VBP1: variants seen among roughly 807,000 people sequenced by gnomAD.
VBP1 encodes prefoldin subunit 3.
A neutral mutation model predicts 15.5 loss-of-function variants in VBP1; 4 were observed. The observed-to-expected ratio is 0.26, with a 90% CI of 0.13 to 0.59. The LOEUF is 0.59. Among genes scored for constraint, VBP1 ranks in the 20% least tolerant of loss-of-function variants. The probability of loss-of-function intolerance (pLI) is 0.90; values close to 1 mark genes in which losing one functional copy is unlikely to be tolerated. For missense variants in VBP1, 108 were observed against 139.6 expected (o/e 0.77, Z 1.14); for synonymous variants, 61 against 52.1 (o/e 1.17, Z -0.74).
At chrX:155,200,220 G>T (rs2074596936) in intron 1 of VBP1, among the ~76,000 whole-genome samples, 1 of 106,917 alleles carries the variant, frequency 9.4e-6, no homozygotes, top group African/African-American at 3.4e-5. Context: ...AGTTAACAAG[G>T]ATACTCAGGA....
intron 1 of VBP1, among the ~76,000 whole-genome samples, chrX:155,207,229 G>C (rs1237260363): frequency 8.9e-6 from 1 of 111,775 alleles, no homozygotes; most frequent in Non-Finnish European, 1.9e-5. Flanking sequence ...CCCAGGGAGA[G>C]AAGCTGACAG....
intron 2 of VBP1, among the ~76,000 whole-genome samples, chrX:155,225,831 T>C (rs1557310207): frequency 8.9e-6 from 1 of 111,856 alleles, no homozygotes; most frequent in Non-Finnish European, 1.9e-5. Context: ...GATTGAATTG[T>C]AGTGAAAAAA....
chrX:155,218,301 C>G (rs1557309268), intron 1 of VBP1, among the ~76,000 whole-genome samples: 5 of 111,853 alleles, frequency 4.5e-5, no homozygotes. Flanking sequence ...AATCCTGGCT[C>G]TGCTTCCCAG....
At chrX:155,210,239 A>G (rs2074639866) in intron 2 of VBP1, among the ~76,000 whole-genome samples, 1 of 111,089 alleles carries the variant, frequency 9.0e-6, no homozygotes, top group Admixed American at 9.6e-5. Context: ...ACTTGAAGCC[A>G]GGAGTTTGGA....
At chrX:155,216,894 C>T (rs949133070) in intron 1 of VBP1, among the ~76,000 whole-genome samples, 10 of 112,294 alleles carry the variant, frequency 8.9e-5, no homozygotes, top group African/African-American at 3.2e-4. Context: ...CGTCCCCCTG[C>T]TGGTTGGAAA....
intron 1 of VBP1, among the ~76,000 whole-genome samples, chrX:155,206,755 G>T (rs782476186): frequency 7.2e-5 from 8 of 111,049 alleles, no homozygotes; most frequent in Non-Finnish European, 1.5e-4. Flanking sequence ...TGGCCAGTGA[G>T]AGAGGAGGAA....
intron 1 of VBP1, among the ~76,000 whole-genome samples, chrX:155,200,714 G>A (rs1371181235): frequency 9.5e-6 from 1 of 105,794 alleles, no homozygotes; most frequent in Admixed American, 1.0e-4. Context: ...AAAAGCAAGA[G>A]CAAACACATT....
At chrX:155,203,140 G>A (rs2074612258) in intron 1 of VBP1, among the ~76,000 whole-genome samples, 1 of 111,467 alleles carries the variant, frequency 9.0e-6, no homozygotes, top group South Asian at 3.8e-4. Flanking sequence ...GGAGAAATAG[G>A]AACATTTTTA....
chrX:155,229,598 T>C (rs1365037743), intron 4 of VBP1, among the ~76,000 whole-genome samples: 2 of 112,460 alleles, frequency 1.8e-5, no homozygotes, highest in African/African-American at 6.5e-5. Flanking sequence ...CTTTGTGTTT[T>C]CCCTGGTAGT....
intron 5 of VBP1, among the ~76,000 whole-genome samples, chrX:155,237,389 C>G (rs1422628920): frequency 8.9e-6 from 1 of 112,080 alleles, no homozygotes; most frequent in East Asian, 2.8e-4. Context: ...GCACTCAGAA[C>G]CTTTTTAGGT....
chrX:155,222,614 T>A (rs996182892), intron 2 of VBP1, among the ~76,000 whole-genome samples: 3 of 111,959 alleles, frequency 2.7e-5, no homozygotes, highest in Non-Finnish European at 3.8e-5. Context: ...AAAAAAGTTA[T>A]ATTGCTAACT....
At chrX:155,207,399 A>G (rs782371714) in intron 1 of VBP1, among the ~76,000 whole-genome samples, 1 of 112,114 alleles carries the variant, frequency 8.9e-6, no homozygotes, top group Non-Finnish European at 1.9e-5. Context: ...ACATGGGGCT[A>G]TTCCAGGGTG....
chrX:155,208,779 C>T, intron 1 of VBP1: 1 of 479,399 alleles, frequency 2.1e-6, no homozygotes, highest in Non-Finnish European at 3.4e-6. Context: ...AATATTTACT[C>T]TAGGGGGCTA....
At chrX:155,205,386 C>T (rs1396946928) in intron 1 of VBP1, among the ~76,000 whole-genome samples, 2 of 111,826 alleles carry the variant, frequency 1.8e-5, no homozygotes, top group African/African-American at 6.5e-5. Flanking sequence ...CTACTTGCAG[C>T]CTTCCCAATC....
chrX:155,215,443 T>C (rs782278147), upstream of VBP1, among the ~76,000 whole-genome samples: 1 of 111,930 alleles, frequency 8.9e-6, no homozygotes, highest in Non-Finnish European at 1.9e-5. Context: ...CACTACTATG[T>C]AGTTGTAGGA....
chrX:155,235,207 T>C (rs1341335226), intron 4 of VBP1, among the ~76,000 whole-genome samples: 1 of 110,163 alleles, frequency 9.1e-6, no homozygotes, highest in Non-Finnish European at 1.9e-5. Flanking sequence ...AGAAATTTTT[T>C]TGGTCCCCTG....
chrX:155,205,840 G>A (rs1380108944), intron 1 of VBP1, among the ~76,000 whole-genome samples: 1 of 111,610 alleles, frequency 9.0e-6, no homozygotes, highest in East Asian at 2.8e-4. Flanking sequence ...TTGTATTAAA[G>A]GACATTGAGG....
chrX:155,200,375 C>A (rs1234152704), intron 1 of VBP1, among the ~76,000 whole-genome samples: 1 of 107,613 alleles, frequency 9.3e-6, no homozygotes, highest in Non-Finnish European at 1.9e-5. Flanking sequence ...CTCTCCTCAG[C>A]AAATGTAAAA....
intron 1 of VBP1, among the ~76,000 whole-genome samples, chrX:155,201,460 A>G (rs1475814496): frequency 3.6e-3 from 343 of 94,848 alleles, no homozygotes; most frequent in Non-Finnish European, 5.7e-3. Flanking sequence ...TTCAATATAC[A>G]CAAATCAATA....
Sources: gnomAD v4.1 joint callset for allele counts (sites outside exome capture counted in the v4.1 genomes callset) on GRCh38, gnomAD v4.1.1 for gene constraint, MANE v1.5 for transcripts, NCBI Gene and HGNC (gene_info 2026-07-23, HGNC 2026-07-21) for gene names.